Variants in CREBBP observed in about 807,000 individuals in gnomAD.
CREBBP encodes CREB-binding protein.
A neutral mutation model predicts 265.0 loss-of-function variants in CREBBP; 19 were observed. The ratio of observed to expected loss-of-function variants is 0.07; its 90% CI spans 0.05 to 0.11. The LOEUF (loss-of-function observed/expected upper bound fraction) is 0.11. CREBBP is among the 10% of genes least tolerant of loss of function. The pLI, the probability that CREBBP is intolerant of heterozygous loss-of-function variation, is 1.00. For missense variants in CREBBP, 2,525 were observed against 3,219.0 expected (o/e 0.78, Z 5.22); for synonymous variants, 1,457 against 1,223.7 (o/e 1.19, Z -3.98).
At chr16:3,826,205 C>T (rs1360836330) in intron 2 of CREBBP, among the ~76,000 whole-genome samples, 2 of 151,962 alleles carry the variant, frequency 1.3e-5, no homozygotes, top group Non-Finnish European at 2.9e-5. Flanking sequence ...AGAGCCAGAC[C>T]CAGTCTCGGC....
At chr16:3,772,317 T>A (rs958432166) in intron 13 of CREBBP, among the ~76,000 whole-genome samples, 2 of 133,740 alleles carry the variant, frequency 1.5e-5, no homozygotes, top group African/African-American at 5.5e-5. Flanking sequence ...AAAAATTCTC[T>A]CTGAAACACA....
chr16:3,729,915 A>G, intron 30 of CREBBP, 41 bp from the exon 31 acceptor site: 1 of 1,594,594 alleles, frequency 6.3e-7, no homozygotes, highest in African/African-American at 1.3e-5. Context: ...TCAGCATGGG[A>G]CCCAGTACCA....
rs180706865 is a variant in CREBBP, at chr16:3,730,095, G to A, written c.5173-221C>T. 9.1e-3 allele frequency among the ~76,000 whole-genome samples: 1,391 copies of A among 152,272 alleles called. 4 individuals are homozygous for A. Among genetic ancestry groups the A allele is most frequent in the Non-Finnish European group, 0.014 (976 of 68,014 alleles). ...GACGGGATGGGATCATGGACAACAT[G>A]GGATCATGGACAGGACGGGGGCATG... On this transcript the variant is annotated intron_variant, in intron 30 of 30. Coordinates refer to ENST00000262367, the MANE Select transcript of CREBBP (RefSeq NM_004380.3).
At chr16:3,786,843 T>C (rs1374693993) in intron 5 of CREBBP, among the ~76,000 whole-genome samples, 1 of 151,816 alleles carries the variant, frequency 6.6e-6, no homozygotes, top group East Asian at 1.9e-4. Context: ...AGTATGAGGG[T>C]GGGGAGATCA....
At chr16:3,841,245 C>A (rs1027087234) in intron 2 of CREBBP, among the ~76,000 whole-genome samples, 5 of 151,924 alleles carry the variant, frequency 3.3e-5, no homozygotes, top group Non-Finnish European at 7.4e-5. Context: ...TAATTTGACT[C>A]GAAGCCAAGA....
intron 3 of CREBBP, among the ~76,000 whole-genome samples, chr16:3,809,668 T>G (rs2053898093): frequency 6.6e-6 from 1 of 152,134 alleles, no homozygotes; most frequent in Non-Finnish European, 1.5e-5. Flanking sequence ...AAGACCAAGG[T>G]TATGTAAGAT....
intron 24 of CREBBP, among the ~76,000 whole-genome samples, chr16:3,740,086 T>C (rs1421322295): frequency 6.6e-6 from 1 of 152,222 alleles, no homozygotes; most frequent in Non-Finnish European, 1.5e-5. Context: ...ACACCTGTAC[T>C]GGTCACAAAA....
In CREBBP at chr16:3,729,168, C is replaced by T. The variant is rs759839179; in HGVS notation, c.5879G>A (p.Arg1960Gln). 4.6e-6 allele frequency: 7 copies of T among 1,535,796 alleles called. No individual in the cohort carries two copies. The highest frequency in any genetic ancestry group is 1.4e-5 in the African/African-American group (1 of 71,874). ...QPPPAAVEAA[R>Q]QIEREAQQQQ... ...CTGCTGGGCCTCACGCTCGATCTGCCGAGCCGCTTCCACCGCTGCAGGAGG... is the reference window on the plus strand; with the variant it reads ...CTGCTGGGCCTCACGCTCGATCTGCTGAGCCGCTTCCACCGCTGCAGGAGG... Residue 1960 changes from arginine to glutamine, a missense_variant, in exon 31 of 31, where the codon CGG becomes CAG. Around this residue, in one of 19 missense-constraint regions of CREBBP, gnomAD observed 275 missense variants for 276.5 expected, o/e 0.99. Coordinates refer to ENST00000262367, the MANE Select transcript of CREBBP (RefSeq NM_004380.3).
At position 3,736,792 on chromosome 16, in the gene CREBBP, G is replaced by A; in HGVS notation, c.4418C>T (p.Ala1473Val). Residue 1473 changes from alanine to valine, a missense_variant, in exon 27 of 31, where the codon GCC (alanine) becomes GTC (valine). Ala to Val is a moderately conservative substitution (Grantham distance 64). Around this residue, in one of 19 missense-constraint regions of CREBBP, gnomAD observed 7 missense variants for 44.7 expected, o/e 0.16. Coordinates refer to ENST00000262367, the MANE Select transcript of CREBBP (RefSeq NM_004380.3). ...KLGYVTGHIWACPPSEGDDYI... is the reference protein window; with the variant it reads ...KLGYVTGHIWVCPPSEGDDYI... ...ATCATCTCCTTCACTTGGAGGACAG[G>A]CCCAGATGTGCCCTGTCACATACCT... 2 of 1,614,154 alleles carry A rather than the reference G, an allele frequency of 1.2e-6. No homozygotes were observed. Among genetic ancestry groups the A allele is most frequent in the African/African-American group, 1.3e-5 (1 of 75,036 alleles).
intron 13 of CREBBP, 165 bp downstream of exon 13, chr16:3,773,586 G>A (rs2053065478): frequency 2.8e-6 from 2 of 709,260 alleles, no homozygotes; most frequent in Non-Finnish European, 4.6e-6. Flanking sequence ...AACGAGTTAA[G>A]GACTACAGGA....
intron 3 of CREBBP, among the ~76,000 whole-genome samples, chr16:3,804,110 C>T (rs923415878): frequency 6.6e-6 from 1 of 151,526 alleles, no homozygotes; most frequent in Non-Finnish European, 1.5e-5. Flanking sequence ...GACCAACCAA[C>T]CAAAGAAACA....
Position 3,782,931 on chromosome 16 carries a change from A to G in CREBBP, c.1331-5T>C, listed in dbSNP as rs778153655. 6.2e-7 allele frequency: 1 copy of G among 1,614,220 alleles called. No individual in the cohort carries two copies. Among genetic ancestry groups the G allele is most frequent in the South Asian group, 1.1e-5 (1 of 91,078 alleles). On this transcript the variant is annotated splice_polypyrimidine_tract_variant and splice_region_variant and intron_variant, in intron 5 of 30. Coordinates refer to ENST00000262367, the MANE Select transcript of CREBBP (RefSeq NM_004380.3). Reference sequence around the variant, plus strand: ...TAGCTGGAGACCCCAGGATGGCTATAACGACAAACAGACAGACAGACAAAA... The same window carrying G: ...TAGCTGGAGACCCCAGGATGGCTATGACGACAAACAGACAGACAGACAAAA...
At chr16:3,856,472 C>T (rs1359819394) in intron 1 of CREBBP, among the ~76,000 whole-genome samples, 1 of 152,068 alleles carries the variant, frequency 6.6e-6, no homozygotes, top group African/African-American at 2.4e-5. Flanking sequence ...GTTTCCCAGG[C>T]TTGCCAGCTA....
chr16:3,855,081 G>T (rs1287117152), intron 1 of CREBBP, among the ~76,000 whole-genome samples: 1 of 152,122 alleles, frequency 6.6e-6, no homozygotes, highest in Admixed American at 6.5e-5. Context: ...TTTGCTGGTT[G>T]TCCCAATAAT....
chr16:3,740,603 G>A (rs2151341694), intron 23 of CREBBP, 54 bp from the exon 24 acceptor site: 1 of 1,605,206 alleles, frequency 6.2e-7, no homozygotes, highest in South Asian at 1.1e-5. Context: ...TGCTGAGACA[G>A]TGACTGAGAC....
rs79233034 is a variant in CREBBP, at chr16:3,791,062, G to A, written c.1330+919C>T. On this transcript the variant is annotated intron_variant, in intron 5 of 30. Transcript: ENST00000262367. ...GCAAGATGGCACAGACGAGATGGAGGAAGATGAGGAAGACTGTGCTGTGCT... is the reference window on the plus strand; with the variant it reads ...GCAAGATGGCACAGACGAGATGGAGAAAGATGAGGAAGACTGTGCTGTGCT... 4.6e-3 allele frequency: 697 copies of A among 152,862 alleles called. 4 individuals are homozygous for A. Among genetic ancestry groups the A allele is most frequent in the Non-Finnish European group, 7.9e-3 (539 of 68,436 alleles). 9.5% of individuals were successfully genotyped at this position (152,862 alleles called of 1,614,324 possible).
intron 21 of CREBBP, 114 bp from the exon 22 acceptor site, chr16:3,745,468 C>G: frequency 1.1e-6 from 1 of 881,682 alleles, no homozygotes; most frequent in Non-Finnish European, 1.9e-6. Context: ...TTGAGTAGTG[C>G]TGACATTAAT....
chr16:3,772,217 TATAAA>T (rs1428008375), intron 13 of CREBBP, among the ~76,000 whole-genome samples: 2 of 151,590 alleles, frequency 1.3e-5, no homozygotes, highest in African/African-American at 2.4e-5. Flanking sequence ...CCCTGGGGAC[TATAAA>T]ATAAATAAAT....
chr16:3,781,639 G>A (rs554205051), intron 6 of CREBBP, among the ~76,000 whole-genome samples: 5 of 151,984 alleles, frequency 3.3e-5, no homozygotes, highest in African/African-American at 4.8e-5. Flanking sequence ...CATTAGTATC[G>A]CTCCTGAGTG....
Sources: gnomAD v4.1 joint callset for allele counts (sites outside exome capture counted in the v4.1 genomes callset) on GRCh38, gnomAD v4.1.1 for gene constraint, gnomAD v4.1.1 regional missense constraint, MANE v1.5 for transcripts, NCBI Gene and HGNC (gene_info 2026-07-23, HGNC 2026-07-21) for gene names.